LYN: variants seen among roughly 807,000 people sequenced by gnomAD.
LYN encodes the protein LYN proto-oncogene, Src family tyrosine kinase, also known as tyrosine-protein kinase Lyn.
A neutral mutation model predicts 65.0 loss-of-function variants in LYN; 12 were observed. That is an observed-to-expected ratio of 0.18 (90% CI 0.12 to 0.30). The LOEUF (loss-of-function observed/expected upper bound fraction) is 0.30. LYN is among the 10% of genes least tolerant of loss of function. LYN has a pLI of 1.00. For synonymous variants in LYN, 222 were observed against 221.2 expected (o/e 1.00, Z -0.03); for missense variants, 380 against 623.2 (o/e 0.61, Z 4.16).
intron 1 of LYN, among the ~76,000 whole-genome samples, chr8:55,927,960 G>A (rs760282052): frequency 6.6e-6 from 1 of 152,178 alleles, no homozygotes; most frequent in African/African-American, 2.4e-5. Context: ...ATATGGTAAG[G>A]GTATTGTTTA....
chr8:55,957,591 A>G (rs1807157854), intron 8 of LYN, among the ~76,000 whole-genome samples: 1 of 152,238 alleles, frequency 6.6e-6, no homozygotes, highest in Non-Finnish European at 1.5e-5. Flanking sequence ...TAAAGTGAAC[A>G]AAGTAATTCA....
rs141816369 is a variant in LYN at position 55,960,139 on chromosome 8, T to C, written c.790+6155T>C. Among the ~76,000 whole-genome samples the C allele has an allele frequency of 3.0e-4, 45 of 152,348 alleles. No homozygotes were observed. In the East Asian group the frequency reaches 7.5e-3, roughly 25 times the overall value. On this transcript the variant is annotated intron_variant, in intron 8 of 12. Coordinates refer to ENST00000519728, the MANE Select transcript of LYN (RefSeq NM_002350.4). ...ATATGCAAATAACTGATGAACTATA[T>C]ACTTTAAATGGGTAAATGACATGGT...
chr8:55,937,483 C>T (rs551483810), intron 1 of LYN, among the ~76,000 whole-genome samples: 1 of 152,272 alleles, frequency 6.6e-6, no homozygotes, highest in South Asian at 2.1e-4. Flanking sequence ...AAGAACTAAC[C>T]CCTAATGAGG....
chr8:55,928,328 T>C (rs1035545691), intron 1 of LYN, among the ~76,000 whole-genome samples: 4 of 152,140 alleles, frequency 2.6e-5, no homozygotes, highest in Non-Finnish European at 1.5e-5. Flanking sequence ...GTATTTTTAG[T>C]AGAGATGGGG....
chr8:55,965,257 G>T (rs1464758199), intron 8 of LYN, among the ~76,000 whole-genome samples: 1 of 152,168 alleles, frequency 6.6e-6, no homozygotes, highest in Non-Finnish European at 1.5e-5. Flanking sequence ...GGTGTAAGAG[G>T]CTACTTGAAC....
At chr8:55,991,956 A>G (rs1808262903) in intron 10 of LYN, among the ~76,000 whole-genome samples, 1 of 152,240 alleles carries the variant, frequency 6.6e-6, no homozygotes, top group Non-Finnish European at 1.5e-5. Context: ...AGTCAAGAGT[A>G]TGGAAACCTC....
In LYN at chr8:55,997,536, A is replaced by T. The variant is rs1222304957; in HGVS notation, c.1051-810A>T. ...AAGGCAGCTCTCTGGGGTCTCTTTT[A>T]CAAGGGCACTAATCCCATTCGTGAG... On this transcript the variant is annotated intron_variant, in intron 10 of 12. Coordinates refer to ENST00000519728, the MANE Select transcript of LYN (RefSeq NM_002350.4). 3.3e-5 allele frequency among the ~76,000 whole-genome samples: 5 copies of T among 152,070 alleles called. No homozygotes were observed. The South Asian group carries it at 1.0e-3, about 32-fold the overall frequency.
chr8:55,925,420 A>G (rs1246577976), intron 1 of LYN, among the ~76,000 whole-genome samples: 1 of 152,166 alleles, frequency 6.6e-6, no homozygotes, highest in African/African-American at 2.4e-5. Flanking sequence ...ACTGCGCTCC[A>G]CCAGAATGTT....
intron 4 of LYN, among the ~76,000 whole-genome samples, chr8:55,949,130 A>G (rs1161303751): frequency 6.6e-6 from 1 of 152,070 alleles, no homozygotes; most frequent in Non-Finnish European, 1.5e-5. Flanking sequence ...CTTGCTTGGA[A>G]TTGTCTTATG....
rs1563504902 is a variant in LYN, at chr8:55,909,034, CA to C, written c.-6+28932del. Among the ~76,000 whole-genome samples the C allele has an allele frequency of 8.5e-3, 352 of 41,642 alleles. 39 individuals carry two copies. Among genetic ancestry groups the C allele is most frequent in the East Asian group, 0.018 (14 of 776 alleles). 27.3% of individuals were successfully genotyped at this position (41,642 alleles called of 152,430 possible). ...ATACACACACACACACACACACACA[CA>C]CACACACACACACACACCCCACATT... is the stretch of plus-strand genomic sequence containing the variant. On this transcript the variant is annotated intron_variant, in intron 1 of 12. Transcript: ENST00000519728.
intron 1 of LYN, among the ~76,000 whole-genome samples, chr8:55,880,952 G>A (rs758672556): frequency 1.3e-5 from 2 of 152,186 alleles, no homozygotes; most frequent in African/African-American, 2.4e-5. Context: ...ATCCGAGTGT[G>A]TTAATTATCC....
Position 55,951,949 on chromosome 8 carries a change from C to T in LYN, c.488-17C>T. ...TTTGTGAGATATAAACATTTACTTA[C>T]ACTTTTCCCCCCATAGGAAGCTTCT... On this transcript the variant is annotated splice_polypyrimidine_tract_variant and intron_variant, in intron 6 of 12. Coordinates refer to ENST00000519728, the MANE Select transcript of LYN (RefSeq NM_002350.4). The T allele has an allele frequency of 6.2e-7, 1 of 1,606,208 alleles. No individual in the cohort carries two copies. Among genetic ancestry groups the T allele is most frequent in the African/African-American group, 1.3e-5 (1 of 74,588 alleles).
intron 1 of LYN, among the ~76,000 whole-genome samples, chr8:55,895,992 A>T (rs188977456): frequency 3.4e-4 from 52 of 152,346 alleles, no homozygotes; most frequent in Non-Finnish European, 5.3e-4. Context: ...TTTGGTGTAC[A>T]TACCAGGTGC....
intron 3 of LYN, 98 bp from the exon 4 acceptor site, chr8:55,947,520 C>T: frequency 3.6e-6 from 3 of 829,072 alleles, no homozygotes; most frequent in Non-Finnish European, 4.1e-6. Flanking sequence ...CCAGTTGCCC[C>T]CTCTTAGTGC....
intron 1 of LYN, among the ~76,000 whole-genome samples, chr8:55,912,735 A>C (rs1805675010): frequency 1.5e-5 from 2 of 132,696 alleles, no homozygotes; most frequent in South Asian, 5.4e-4. Flanking sequence ...TGAAAAAAAA[A>C]AACAAAACAA....
At chr8:55,939,129 A>G (rs909864906) in intron 1 of LYN, among the ~76,000 whole-genome samples, 1 of 152,184 alleles carries the variant, frequency 6.6e-6, no homozygotes, top group African/African-American at 2.4e-5. Flanking sequence ...AGCATAAGGA[A>G]TTGCAAGACC....
intron 1 of LYN, among the ~76,000 whole-genome samples, chr8:55,915,634 A>G (rs983603436): frequency 3.9e-5 from 6 of 152,238 alleles, no homozygotes; most frequent in African/African-American, 1.4e-4. Flanking sequence ...TGAACCCAGG[A>G]GGCGGAGGTT....
At position 55,985,231 on chromosome 8, in the gene LYN, G is replaced by A. The variant is rs1808043619; in HGVS notation, c.1051-13115G>A. On this transcript the variant is annotated intron_variant, in intron 10 of 12. Transcript: ENST00000519728. ...CAGTAATTGTTTGCTGAAATCACTA[G>A]GCATGGACAAGTCCTACCTGGTGAG... 2.6e-5 allele frequency among the ~76,000 whole-genome samples: 4 copies of A among 152,148 alleles called. No individual in the cohort carries two copies. In the South Asian group the frequency reaches 8.3e-4, roughly 32 times the overall value.
chr8:55,918,877 A>T (rs545027663), intron 1 of LYN, among the ~76,000 whole-genome samples: 84 of 152,140 alleles, frequency 5.5e-4, no homozygotes, highest in African/African-American at 2.0e-3. Flanking sequence ...ACCTTCACGG[A>T]GGTGGTACCC....
Sources: allele counts gnomAD v4.1 joint callset (sites outside exome capture counted in the v4.1 genomes callset), GRCh38; gene constraint gnomAD v4.1.1; transcripts MANE v1.5; gene names NCBI Gene and HGNC (gene_info 2026-07-23, HGNC 2026-07-21).